ZNF385D: variants seen among roughly 807,000 people sequenced by gnomAD.
ZNF385D encodes zinc finger protein 385D, also known as zinc finger protein 659.
A neutral mutation model predicts 35.8 loss-of-function variants in ZNF385D; 15 were observed. The ratio of observed to expected loss-of-function variants is 0.42; its 90% CI spans 0.28 to 0.64. The LOEUF (loss-of-function observed/expected upper bound fraction) is 0.64, where lower values mean the gene tolerates loss of function less well. ZNF385D is among the 30% of genes least tolerant of loss of function. ZNF385D has a pLI of 0.23. For synonymous variants in ZNF385D, 212 were observed against 186.8 expected (o/e 1.13, Z -1.10); for missense variants, 474 against 494.6 (o/e 0.96, Z 0.39).
chr3:22,039,907 G>A (rs1698561828), intron 3 of ZNF385D, among the ~76,000 whole-genome samples: 1 of 152,004 alleles, frequency 6.6e-6, no homozygotes, highest in African/African-American at 2.4e-5. Context: ...GCTGCCACTG[G>A]CTCCCTTGTC....
intron 3 of ZNF385D, among the ~76,000 whole-genome samples, chr3:22,116,409 G>C (rs563442478): frequency 6.6e-6 from 1 of 151,996 alleles, no homozygotes; most frequent in Admixed American, 6.6e-5. Context: ...AGATTATTTT[G>C]TTCATTACCT....
rs1320889676 is a variant in ZNF385D, at chr3:21,454,493, C to T, written c.440-17290G>A. On this transcript the variant is annotated intron_variant, in intron 4 of 7. Coordinates refer to ENST00000281523, the MANE Select transcript of ZNF385D (RefSeq NM_024697.3). ...CTTGTGTAACAGCCACACTGCATCA[C>T]TGGCCTTTGTGCTTTCCTTCAAGCA... Among the ~76,000 whole-genome samples, 6 of 152,214 alleles carry T rather than the reference C, an allele frequency of 3.9e-5. No homozygotes were observed. In the East Asian group the frequency reaches 1.2e-3, roughly 29 times the overall value.
At chr3:22,090,547 G>A (rs1701275989) in intron 3 of ZNF385D, among the ~76,000 whole-genome samples, 1 of 151,988 alleles carries the variant, frequency 6.6e-6, no homozygotes, top group Non-Finnish European at 1.5e-5. Context: ...CAGCCTAAGG[G>A]TCAGAGAGCC....
At chr3:22,183,724 G>A (rs1336064637) in intron 2 of ZNF385D, among the ~76,000 whole-genome samples, 1 of 141,044 alleles carries the variant, frequency 7.1e-6, no homozygotes, top group East Asian at 2.0e-4. Flanking sequence ...GGGTTTAGTA[G>A]ATTATTAAAC....
intron 4 of ZNF385D, among the ~76,000 whole-genome samples, chr3:21,499,325 GCAGCAA>G (rs1706185121): frequency 1.3e-5 from 2 of 152,132 alleles, no homozygotes; most frequent in Non-Finnish European, 2.9e-5. Context: ...TCATGTCTTT[GCAGCAA>G]TGTGGATGGA....
intron 2 of ZNF385D, among the ~76,000 whole-genome samples, chr3:22,350,121 C>T (rs903963216): frequency 6.6e-6 from 1 of 152,104 alleles, no homozygotes; most frequent in Admixed American, 6.5e-5. Context: ...GCCTGGATGT[C>T]CAATACAATA....
chr3:21,772,108 C>T (rs528018577), intron 3 of ZNF385D, among the ~76,000 whole-genome samples: 5 of 151,842 alleles, frequency 3.3e-5, no homozygotes, highest in Admixed American at 1.3e-4. Context: ...AATATAAGAA[C>T]GAGAAATATA....
chr3:21,520,156 C>T (rs1319841849), intron 3 of ZNF385D, among the ~76,000 whole-genome samples: 1 of 152,184 alleles, frequency 6.6e-6, no homozygotes, highest in African/African-American at 2.4e-5. Context: ...AGAGTTCCCT[C>T]TGCCTGGAGC....
intron 3 of ZNF385D, among the ~76,000 whole-genome samples, chr3:22,006,472 GATTAT>G (rs1205851990): frequency 2.6e-5 from 4 of 151,994 alleles, no homozygotes; most frequent in African/African-American, 9.7e-5. Context: ...GATCTTTTAT[GATTAT>G]ATACAAATGA....
intron 1 of ZNF385D, among the ~76,000 whole-genome samples, chr3:21,706,148 T>G (rs1267617048): frequency 6.6e-6 from 1 of 152,226 alleles, no homozygotes; most frequent in African/African-American, 2.4e-5. Flanking sequence ...TAAAATTGGC[T>G]TACCTTTCTC....
At chr3:22,056,434 C>G (rs1429169274) in intron 3 of ZNF385D, among the ~76,000 whole-genome samples, 1 of 152,052 alleles carries the variant, frequency 6.6e-6, no homozygotes, top group Non-Finnish European at 1.5e-5. Flanking sequence ...CATCAAGGAT[C>G]ATTTAGGTGG....
chr3:21,479,142 G>T (rs1417410966), intron 4 of ZNF385D, among the ~76,000 whole-genome samples: 1 of 125,224 alleles, frequency 8.0e-6, no homozygotes, highest in Non-Finnish European at 1.7e-5. Context: ...TAAAAGTCTA[G>T]AAGTATTGTT....
chr3:21,447,228 GA>G (rs200020084), intron 4 of ZNF385D, among the ~76,000 whole-genome samples: 1,932 of 152,178 alleles, frequency 0.013, 11 homozygotes, highest in Non-Finnish European at 0.018. Flanking sequence ...AAAGGGAAAG[GA>G]AAAGGAAGAC....
At chr3:22,336,951 TGAGGA>T (rs1028011244) in intron 2 of ZNF385D, among the ~76,000 whole-genome samples, 3 of 107,652 alleles carry the variant, frequency 2.8e-5, no homozygotes, top group East Asian at 6.4e-4. Flanking sequence ...TTACTGTTAG[TGAGGA>T]GAGAATATTT....
At chr3:22,295,982 G>A (rs753645420) in intron 2 of ZNF385D, among the ~76,000 whole-genome samples, 6 of 152,088 alleles carry the variant, frequency 3.9e-5, no homozygotes, top group Non-Finnish European at 5.9e-5. Context: ...AAATAAATAG[G>A]AAAGTTTCAT....
intron 3 of ZNF385D, among the ~76,000 whole-genome samples, chr3:21,889,248 A>G (rs1698713458): frequency 6.6e-6 from 1 of 152,170 alleles, no homozygotes; most frequent in South Asian, 2.1e-4. Context: ...CAGATGGAAC[A>G]CACATGAGAA....
intron 4 of ZNF385D, among the ~76,000 whole-genome samples, chr3:21,508,976 T>TTC (rs984826901): frequency 4.6e-5 from 7 of 151,162 alleles, no homozygotes; most frequent in African/African-American, 1.5e-4. Flanking sequence ...GGGCTTTTTT[T>TTC]TTTTTTCTTT....
At chr3:21,784,917 A>G (rs913402164) in intron 3 of ZNF385D, among the ~76,000 whole-genome samples, 1 of 151,994 alleles carries the variant, frequency 6.6e-6, no homozygotes, top group Non-Finnish European at 1.5e-5. Flanking sequence ...TTGCATTTTA[A>G]TTTTTTTAAA....
intron 2 of ZNF385D, among the ~76,000 whole-genome samples, chr3:22,246,949 G>T (rs990621292): frequency 1.3e-5 from 2 of 151,854 alleles, no homozygotes; most frequent in East Asian, 3.9e-4. Context: ...TCATACATAC[G>T]TGCACACACA....
Sources: gnomAD v4.1 joint callset for allele counts (sites outside exome capture counted in the v4.1 genomes callset) on GRCh38, gnomAD v4.1.1 for gene constraint, MANE v1.5 for transcripts, NCBI Gene and HGNC (gene_info 2026-07-23, HGNC 2026-07-21) for gene names.